Variants in PTBP3 observed in about 807,000 individuals in gnomAD.
The protein encoded by PTBP3 is polypyrimidine tract-binding protein 3.
Under a neutral mutation model 58.7 loss-of-function variants are expected in PTBP3, and 20 were observed. The observed-to-expected ratio is 0.34, with a 90% CI of 0.24 to 0.50. PTBP3 has a LOEUF of 0.50. Among genes scored for constraint, PTBP3 ranks in the 20% least tolerant of loss-of-function variants. The probability of loss-of-function intolerance (pLI) is 0.98; values close to 1 mark genes in which losing one functional copy is unlikely to be tolerated. For missense variants in PTBP3, 509 were observed against 637.2 expected, an observed-to-expected ratio of 0.80 and a Z score of 2.17; for synonymous variants, 185 against 219.8, an observed-to-expected ratio of 0.84 and a Z score of 1.40.
chr9:112,291,739 G>A (rs1377926439), intron 2 of PTBP3, among the ~76,000 whole-genome samples: 1 of 152,106 alleles, frequency 6.6e-6, no homozygotes, highest in African/African-American at 2.4e-5. Flanking sequence ...TAAAGGCCTA[G>A]ACATAAGACC....
intron 1 of PTBP3, chr9:112,332,675 G>A: frequency 2.2e-6 from 3 of 1,387,488 alleles, no homozygotes; most frequent in Non-Finnish European, 2.0e-6. Flanking sequence ...CCAGAGAACA[G>A]TTTATATACA....
At chr9:112,304,773 C>CTTT (rs1288205265) in intron 1 of PTBP3, among the ~76,000 whole-genome samples, 1 of 152,058 alleles carries the variant, frequency 6.6e-6, no homozygotes, top group Admixed American at 6.6e-5. Context: ...TTTTATTATA[C>CTTT]TTTACTCTAC....
At chr9:112,260,925 T>C (rs1836567826) in intron 5 of PTBP3, among the ~76,000 whole-genome samples, 1 of 152,210 alleles carries the variant, frequency 6.6e-6, no homozygotes. Context: ...AATTTGTTAC[T>C]GTGGTTAGGG....
chr9:112,320,314 A>ATATATATATTTTT, intron 1 of PTBP3, among the ~76,000 whole-genome samples: 130 of 75,672 alleles, frequency 1.7e-3, no homozygotes, highest in Non-Finnish European at 2.4e-3. Flanking sequence ...ATATATATAT[A>ATATATATATTTTT]TTTTTTTTTA....
intron 3 of PTBP3, among the ~76,000 whole-genome samples, chr9:112,268,568 T>C (rs1246253640): frequency 7.8e-6 from 1 of 128,660 alleles, no homozygotes; most frequent in Non-Finnish European, 1.6e-5. Context: ...TGGTGGCACA[T>C]GGCTGTGGTC....
chr9:112,340,602 G>C, the PTBP3 span, among the ~76,000 whole-genome samples: 2 of 152,212 alleles, frequency 1.3e-5, no homozygotes, highest in Non-Finnish European at 1.5e-5. Context: ...CTTGTTTAGG[G>C]CCGGGTGCAG....
At chr9:112,376,013 C>T in the PTBP3 span, among the ~76,000 whole-genome samples, 4 of 151,944 alleles carry the variant, frequency 2.6e-5, no homozygotes, top group African/African-American at 9.7e-5. Context: ...CCACTCATCC[C>T]TCAAGCACTA....
intron 7 of PTBP3, among the ~76,000 whole-genome samples, chr9:112,246,140 G>A (rs1417173663): frequency 2.0e-5 from 3 of 151,628 alleles, no homozygotes; most frequent in Non-Finnish European, 2.9e-5. Flanking sequence ...GTGCCACCAC[G>A]CCTAGCTAAT....
chr9:112,243,516 T>C (rs947252361), intron 7 of PTBP3, among the ~76,000 whole-genome samples: 3 of 151,600 alleles, frequency 2.0e-5, no homozygotes, highest in Non-Finnish European at 2.9e-5. Flanking sequence ...CACTCCAACC[T>C]GGGCAACAGA....
chr9:112,282,313 C>A (rs945518661), intron 2 of PTBP3, among the ~76,000 whole-genome samples: 4 of 151,704 alleles, frequency 2.6e-5, no homozygotes, highest in African/African-American at 4.8e-5. Context: ...TTTTATTTAC[C>A]ACATAAACAA....
At chr9:112,272,491 T>C (rs1827430848) in intron 3 of PTBP3, 1 of 152,192 alleles carries the variant, frequency 6.6e-6, no homozygotes, top group Non-Finnish European at 1.5e-5. Context: ...TCAACACAAA[T>C]TTCTAGTTAG....
chr9:112,278,588 C>T (rs900859208), intron 2 of PTBP3, among the ~76,000 whole-genome samples: 1 of 152,194 alleles, frequency 6.6e-6, no homozygotes, highest in Non-Finnish European at 1.5e-5. Flanking sequence ...AGCTCCCATT[C>T]GTGCTGCACT....
At chr9:112,266,236 T>C (rs72751947) in intron 4 of PTBP3, among the ~76,000 whole-genome samples, 157 of 152,324 alleles carry the variant, frequency 1.0e-3, no homozygotes, top group Non-Finnish European at 1.8e-3. Flanking sequence ...AAACTGTACA[T>C]TTAAAAATGG....
chr9:112,355,324 T>C, the PTBP3 span, among the ~76,000 whole-genome samples: 3 of 152,204 alleles, frequency 2.0e-5, no homozygotes, highest in African/African-American at 7.2e-5. Flanking sequence ...GGGGCAATAG[T>C]AGGGATCCAG....
At chr9:112,258,207 A>T (rs192532827) in intron 5 of PTBP3, among the ~76,000 whole-genome samples, 21 of 152,348 alleles carry the variant, frequency 1.4e-4, no homozygotes, top group Middle Eastern at 3.4e-3. Context: ...ATTCCCATGT[A>T]TAACAGTACT....
intron 7 of PTBP3, among the ~76,000 whole-genome samples, chr9:112,237,743 G>A (rs1835490694): frequency 6.6e-6 from 1 of 152,058 alleles, no homozygotes; most frequent in Admixed American, 6.6e-5. Flanking sequence ...AAGTCAACAG[G>A]ATACTCTCAC....
chr9:112,358,892 A>C, the PTBP3 span, among the ~76,000 whole-genome samples: 1 of 152,204 alleles, frequency 6.6e-6, no homozygotes, highest in African/African-American at 2.4e-5. Context: ...CCCAGGCTGC[A>C]GTACAGTGGC....
chr9:112,233,174 T>A (rs954624324), intron 8 of PTBP3, among the ~76,000 whole-genome samples: 1 of 151,814 alleles, frequency 6.6e-6, no homozygotes. Flanking sequence ...CATGACATAT[T>A]CCCATGCCCC....
intron 1 of PTBP3, among the ~76,000 whole-genome samples, chr9:112,303,618 C>T (rs1829043584): frequency 6.6e-6 from 1 of 152,116 alleles, no homozygotes; most frequent in South Asian, 2.1e-4. Flanking sequence ...GTAATCCCAG[C>T]ACTTTGGGAG....
Sources: gnomAD v4.1 joint callset for allele counts (sites outside exome capture counted in the v4.1 genomes callset) on GRCh38, gnomAD v4.1.1 for gene constraint, MANE v1.5 for transcripts, NCBI Gene and HGNC (gene_info 2026-07-23, HGNC 2026-07-21) for gene names.